Variants in FAT3 observed in about 807,000 individuals in gnomAD.
FAT3 encodes the protein protocadherin Fat 3.
FAT3 carries 95 observed loss-of-function variants against 310.2 expected under a neutral mutation model. The ratio of observed to expected loss-of-function variants is 0.31; its 90% CI spans 0.26 to 0.36. FAT3 has a LOEUF of 0.36. FAT3 is among the 10% of genes least tolerant of loss of function. FAT3 has a pLI of 1.00. For missense variants in FAT3, 5,408 were observed against 5,715.6 expected (o/e 0.95, Z 1.74); for synonymous variants, 2,314 against 2,192.9 (o/e 1.06, Z -1.54).
intron 22 of FAT3, among the ~76,000 whole-genome samples, chr11:92,872,978 G>A (rs1949428380): frequency 6.6e-6 from 1 of 152,130 alleles, no homozygotes; most frequent in Non-Finnish European, 1.5e-5. Context: ...AGGTTTGGAT[G>A]TTTCCCAGTC....
chr11:92,497,067 G>A (rs2135258322), intron 2 of FAT3, among the ~76,000 whole-genome samples: 1 of 152,136 alleles, frequency 6.6e-6, no homozygotes, highest in East Asian at 1.9e-4. Flanking sequence ...ATGCGATTCA[G>A]TAGCATTTGT....
intron 2 of FAT3, among the ~76,000 whole-genome samples, chr11:92,399,465 C>T (rs748717072): frequency 6.6e-6 from 1 of 152,124 alleles, no homozygotes; most frequent in African/African-American, 2.4e-5. Flanking sequence ...AATTGATTCT[C>T]ATTTAATTTT....
chr11:92,240,033 C>T (rs568398626), intron 1 of FAT3, among the ~76,000 whole-genome samples: 130 of 152,144 alleles, frequency 8.5e-4, no homozygotes, highest in South Asian at 4.8e-3. Flanking sequence ...TTATGCCTTT[C>T]GAAAGATGGT....
chr11:92,381,634 T>G (rs1949497424), intron 2 of FAT3, among the ~76,000 whole-genome samples: 1 of 152,190 alleles, frequency 6.6e-6, no homozygotes, highest in South Asian at 2.1e-4. Context: ...TGATCTGACT[T>G]TTAAGAAATA....
Position 92,800,740 on chromosome 11 carries a change from A to G in FAT3, c.7727A>G (p.Asp2576Gly), listed in dbSNP as rs1591752694. Reference protein sequence around the residue: ...GDVSIFVRALDGGGRTTFCTV... With the variant: ...GDVSIFVRALGGGGRTTFCTV... ...GTTAGTATTTTTGTGAGGGCCCTTG[A>G]TGGTGGAGGGAGAACAACTTTCTGC... Residue 2576 changes from aspartate (D) to glycine (G), a missense_variant, in exon 10 of 28, where the codon GAT becomes GGT. By Grantham distance (94) the Asp-to-Gly change is moderately conservative (BLOSUM62 -1). Coordinates refer to ENST00000525166, the MANE Select transcript of FAT3 (RefSeq NM_001367949.2). The G allele has an allele frequency of 1.9e-6, 3 of 1,613,922 alleles. No homozygotes were observed. Among genetic ancestry groups the G allele is most frequent in the Non-Finnish European group, 2.5e-6 (3 of 1,179,882 alleles).
chr11:92,444,674 A>T lies in FAT3; in HGVS notation c.3293-79960A>T, dbSNP rs888978676. ...TGGATATTACTGGGGGGGGGGGAAA[A>T]CATACAGTTTATATTATTTTCTTAG... On this transcript the variant is annotated intron_variant, in intron 2 of 27. Coordinates refer to ENST00000525166, the MANE Select transcript of FAT3 (RefSeq NM_001367949.2). Among the ~76,000 whole-genome samples the T allele has an allele frequency of 6.0e-5, 9 of 149,112 alleles. No individual in the cohort carries two copies. The East Asian group carries it at 1.8e-3, about 30-fold the overall frequency.
chr11:92,699,711 A>G (rs1385640531), intron 4 of FAT3, among the ~76,000 whole-genome samples: 1 of 152,222 alleles, frequency 6.6e-6, no homozygotes, highest in East Asian at 1.9e-4. Context: ...TGTATCTGGT[A>G]TCATCTGCAG....
chr11:92,388,026 C>A (rs911216370), intron 2 of FAT3, among the ~76,000 whole-genome samples: 12 of 152,086 alleles, frequency 7.9e-5, no homozygotes, highest in Admixed American at 2.0e-4. Context: ...CTACTAATTT[C>A]CATTTTGGGG....
chr11:92,475,733 TA>T (rs1162318510), intron 2 of FAT3, among the ~76,000 whole-genome samples: 1 of 152,212 alleles, frequency 6.6e-6, no homozygotes, highest in Non-Finnish European at 1.5e-5. Flanking sequence ...TCCAAATTTT[TA>T]AAAAGTTTTA....
chr11:92,339,570 A>G (rs1948186686), intron 1 of FAT3, among the ~76,000 whole-genome samples: 1 of 152,204 alleles, frequency 6.6e-6, no homozygotes, highest in South Asian at 2.1e-4. Flanking sequence ...AAGTATTGCA[A>G]ATGAAATGTT....
intron 2 of FAT3, among the ~76,000 whole-genome samples, chr11:92,486,468 G>A (rs1212605208): frequency 6.6e-6 from 1 of 151,960 alleles, no homozygotes; most frequent in South Asian, 2.1e-4. Flanking sequence ...ACAGGGAAAA[G>A]AATGTAGGAT....
chr11:92,417,294 T>C (rs1416217929), intron 2 of FAT3, among the ~76,000 whole-genome samples: 2 of 152,216 alleles, frequency 1.3e-5, no homozygotes, highest in Non-Finnish European at 2.9e-5. Context: ...ACTAAACTCA[T>C]TACAGGGAAT....
intron 3 of FAT3, among the ~76,000 whole-genome samples, chr11:92,537,494 C>G (rs910711370): frequency 1.1e-4 from 17 of 152,116 alleles, no homozygotes; most frequent in Non-Finnish European, 2.1e-4. Context: ...GTCTTTCCCT[C>G]CTTGTCTCAG....
In FAT3 at chr11:92,840,726, C is replaced by T. The variant is rs367587333; in HGVS notation, c.10533C>T (p.His3511=). ...TGCGGTCGGCTGTGGTCTTCCAGCA[C>T]ACAGAGTCTCTGGAATACGTGTTGT... The part of the protein sequence containing the change: ...GILRSAVVFQ[H]TESLEYVLCV... The change falls in exon 18 of 28, where the codon CAC becomes CAT. Residue 3511 remains histidine, a synonymous_variant. Coordinates refer to ENST00000525166, the MANE Select transcript of FAT3 (RefSeq NM_001367949.2). 1.2e-6 allele frequency: 2 copies of T among 1,603,074 alleles called. No individual in the cohort carries two copies. The highest frequency in any genetic ancestry group is 1.7e-6 in the Non-Finnish European group (2 of 1,170,980).
chr11:92,244,721 G>A (rs1047602518), intron 1 of FAT3, among the ~76,000 whole-genome samples: 2 of 152,116 alleles, frequency 1.3e-5, no homozygotes, highest in Admixed American at 6.6e-5. Flanking sequence ...GTAGGCTTAC[G>A]GTGGGGCTTA....
chr11:92,748,575 G>A (rs1321129619), intron 4 of FAT3, among the ~76,000 whole-genome samples: 1 of 151,540 alleles, frequency 6.6e-6, no homozygotes, highest in Non-Finnish European at 1.5e-5. Context: ...CATTCCACAA[G>A]TTTATTCAAC....
chr11:92,628,386 T>G (rs1941414532), intron 3 of FAT3, among the ~76,000 whole-genome samples: 1 of 152,224 alleles, frequency 6.6e-6, no homozygotes, highest in African/African-American at 2.4e-5. Context: ...TTTCCTAAAG[T>G]GGAGCAAACC....
chr11:92,597,755 G>C (rs1939786645), intron 3 of FAT3, among the ~76,000 whole-genome samples: 1 of 152,168 alleles, frequency 6.6e-6, no homozygotes, highest in Admixed American at 6.5e-5. Flanking sequence ...TCAACATCCA[G>C]ACTGATATGA....
At chr11:92,336,515 G>T (rs926256006) in intron 1 of FAT3, 4 of 243,178 alleles carry the variant, frequency 1.6e-5, no homozygotes, top group South Asian at 5.5e-5. Context: ...GTCCTACAGG[G>T]TCTCCAACTC....
Sources: allele counts gnomAD v4.1 joint callset (sites outside exome capture counted in the v4.1 genomes callset), GRCh38; gene constraint gnomAD v4.1.1; transcripts MANE v1.5; gene names NCBI Gene and HGNC (gene_info 2026-07-23, HGNC 2026-07-21).